SUCLG2: variants seen among roughly 807,000 people sequenced by gnomAD.
SUCLG2 encodes the protein succinate--CoA ligase [GDP-forming] subunit beta, mitochondrial.
SUCLG2 carries 42 observed loss-of-function variants against 47.9 expected under a neutral mutation model. That is an observed-to-expected ratio of 0.88 (90% CI 0.69 to 1.14). The LOEUF is 1.14. Among genes scored for constraint, SUCLG2 ranks in the 50% most tolerant of loss-of-function variants. SUCLG2 has a pLI of 0.00. For missense variants in SUCLG2, 571 were observed against 525.9 expected (o/e 1.09, Z -0.84); for synonymous variants, 195 against 197.3 (o/e 0.99, Z 0.10).
intron 2 of SUCLG2, among the ~76,000 whole-genome samples, chr3:67,569,901 G>A (rs1471660214): frequency 6.6e-6 from 1 of 152,180 alleles, no homozygotes; most frequent in African/African-American, 2.4e-5. Context: ...AAGGCAGAAT[G>A]CTATGGGCTG....
At chr3:67,581,766 G>A (rs1030643989) in intron 2 of SUCLG2, among the ~76,000 whole-genome samples, 5 of 152,200 alleles carry the variant, frequency 3.3e-5, no homozygotes, top group Admixed American at 3.3e-4. Context: ...GGAGATGTGA[G>A]CACTAAAGTA....
chr3:67,562,437 C>T (rs368085008), intron 2 of SUCLG2, among the ~76,000 whole-genome samples: 24 of 152,260 alleles, frequency 1.6e-4, no homozygotes, highest in Admixed American at 4.6e-4. Context: ...GCCACCATGC[C>T]CAGCTAAATT....
chr3:67,643,478 T>C (rs557413641), intron 1 of SUCLG2, among the ~76,000 whole-genome samples: 1 of 152,222 alleles, frequency 6.6e-6, no homozygotes. Flanking sequence ...ACTGGTTTGC[T>C]TTATGGTGAA....
chr3:67,496,905 T>C (rs1264154095), intron 8 of SUCLG2, among the ~76,000 whole-genome samples: 2 of 152,134 alleles, frequency 1.3e-5, no homozygotes, highest in African/African-American at 4.8e-5. Context: ...CTAATTAAAT[T>C]TGGAGTAACT....
At chr3:67,608,476 C>T (rs1201765717) in intron 2 of SUCLG2, among the ~76,000 whole-genome samples, 2 of 152,052 alleles carry the variant, frequency 1.3e-5, no homozygotes, top group East Asian at 3.9e-4. Flanking sequence ...TCACAATTTC[C>T]TTTTTGTGTT....
In SUCLG2 at chr3:67,455,933, C is replaced by T. The variant is rs72918980; in HGVS notation, c.1062+39865G>A. Among the ~76,000 whole-genome samples, 181 of 152,202 alleles carry T rather than the reference C, an allele frequency of 1.2e-3. 1 individual carries two copies. The highest frequency in any genetic ancestry group is 4.1e-3 in the African/African-American group (172 of 41,532). On this transcript the variant is annotated intron_variant, in intron 9 of 10. Transcript: ENST00000307227. Reference sequence around the variant, plus strand: ...TGTGCCCAAGGCTCTTCAAATTTAACGTATTATTACCACTGTTATTATATT... The same window carrying T: ...TGTGCCCAAGGCTCTTCAAATTTAATGTATTATTACCACTGTTATTATATT...
intron 2 of SUCLG2, among the ~76,000 whole-genome samples, chr3:67,536,838 G>GAA: frequency 6.6e-6 from 1 of 152,280 alleles, no homozygotes; most frequent in East Asian, 1.9e-4. Flanking sequence ...AGGGCTCACA[G>GAA]AAAATCCTTT....
At position 67,514,226 on chromosome 3, in the gene SUCLG2, T is replaced by G. The variant is rs969181043; in HGVS notation, c.660+4021A>C. 16 of 384,796 alleles carry G rather than the reference T, an allele frequency of 4.2e-5. No homozygotes were observed. In the Admixed American group the frequency reaches 4.8e-4, roughly 11 times the overall value. The allele number at this position is 384,796 out of a possible 1,614,324, so 23.8% of individuals were successfully genotyped here. Reference sequence around the variant, plus strand: ...GGAGCTTTGTGTGGAATTAGGCACCTGTTCTTCTGGTATGATGTATTCAAA... The same window carrying G: ...GGAGCTTTGTGTGGAATTAGGCACCGGTTCTTCTGGTATGATGTATTCAAA... On this transcript the variant is annotated intron_variant, in intron 6 of 10. Transcript: ENST00000307227.
chr3:67,494,373 G>A (rs539997262), intron 9 of SUCLG2, among the ~76,000 whole-genome samples: 7 of 152,188 alleles, frequency 4.6e-5, no homozygotes, highest in Admixed American at 2.6e-4. Context: ...GATGGCTCAC[G>A]CCTGTAATCT....
intron 1 of SUCLG2, among the ~76,000 whole-genome samples, chr3:67,649,113 G>C (rs1180838375): frequency 6.6e-6 from 1 of 152,316 alleles, no homozygotes; most frequent in African/African-American, 2.4e-5. Context: ...AAGAATCAAC[G>C]TTGAATCAGA....
intron 2 of SUCLG2, among the ~76,000 whole-genome samples, chr3:67,590,303 T>C (rs887684688): frequency 6.6e-6 from 1 of 152,338 alleles, no homozygotes; most frequent in African/African-American, 2.4e-5. Flanking sequence ...ATAATTTCCA[T>C]CACCAATTCC....
exon 11 of SUCLG2, chr3:67,360,535 A>C (rs1701788731): frequency 7.8e-7 from 1 of 1,288,080 alleles, no homozygotes; most frequent in East Asian, 2.5e-5. Context: ...TTCCATTAGC[A>C]TGCAGCTGAA....
intron 2 of SUCLG2, among the ~76,000 whole-genome samples, chr3:67,603,248 T>G (rs1465746192): frequency 2.0e-5 from 3 of 152,236 alleles, no homozygotes; most frequent in Admixed American, 6.5e-5. Flanking sequence ...TATTAAGATC[T>G]TTTTGCAAGA....
intron 2 of SUCLG2, among the ~76,000 whole-genome samples, chr3:67,557,600 T>A (rs1352663282): frequency 6.6e-6 from 1 of 152,196 alleles, no homozygotes; most frequent in Non-Finnish European, 1.5e-5. Flanking sequence ...AGGAACCACA[T>A]TAGGGAAACT....
intron 2 of SUCLG2, among the ~76,000 whole-genome samples, chr3:67,573,376 T>C (rs944883937): frequency 1.3e-5 from 2 of 152,212 alleles, no homozygotes; most frequent in African/African-American, 4.8e-5. Context: ...AGGAAAAGAA[T>C]ATTGAAAAAT....
At chr3:67,536,286 A>C (rs1467559582) in intron 2 of SUCLG2, among the ~76,000 whole-genome samples, 1 of 152,210 alleles carries the variant, frequency 6.6e-6, no homozygotes, top group Non-Finnish European at 1.5e-5. Context: ...ATATTTAAAG[A>C]TGTTCGTTTC....
At chr3:67,554,474 C>T (rs765351385) in intron 2 of SUCLG2, among the ~76,000 whole-genome samples, 1 of 152,088 alleles carries the variant, frequency 6.6e-6, no homozygotes, top group Non-Finnish European at 1.5e-5. Context: ...TAAATTCAAA[C>T]CCCTCACTGT....
intron 2 of SUCLG2, among the ~76,000 whole-genome samples, chr3:67,581,311 A>G (rs978137397): frequency 6.6e-6 from 1 of 152,234 alleles, no homozygotes; most frequent in African/African-American, 2.4e-5. Flanking sequence ...AATACTGAAA[A>G]TAAGACTTGG....
At chr3:67,609,261 C>A (rs1289124964) in intron 2 of SUCLG2, among the ~76,000 whole-genome samples, 194 bp downstream of exon 2, 3 of 41,880 alleles carry the variant, frequency 7.2e-5, no homozygotes, top group Non-Finnish European at 1.4e-4. Context: ...CTGCAGTCAC[C>A]ATGTGATTCC....
Sources: allele counts gnomAD v4.1 joint callset (sites outside exome capture counted in the v4.1 genomes callset), GRCh38; gene constraint gnomAD v4.1.1; transcripts MANE v1.5; gene names NCBI Gene and HGNC (gene_info 2026-07-23, HGNC 2026-07-21).